Variants in ITGB4 observed in about 807,000 individuals in gnomAD.
ITGB4 encodes the protein integrin beta-4.
In ITGB4, 159 loss-of-function variants were observed where a neutral mutation model predicts 207.6. That is an observed-to-expected ratio of 0.77 (90% CI 0.67 to 0.87). The LOEUF is 0.87. ITGB4 is among the 40% of genes least tolerant of loss of function. The pLI is 0.00. For synonymous variants in ITGB4, 1,020 were observed against 1,062.7 expected (o/e 0.96, Z 0.78); for missense variants, 2,278 against 2,546.8 (o/e 0.89, Z 2.27).
At chr17:75,746,509 G>C (rs2061236087) in intron 26 of ITGB4, 1 of 150,616 alleles carries the variant, frequency 6.6e-6, no homozygotes, top group African/African-American at 2.4e-5. Flanking sequence ...GGGATTACAG[G>C]CATCAGCCAC....
rs377703595 is a variant in ITGB4, at chr17:75,736,672, G to T, written c.1968G>T (p.Lys656Asn). The change falls in exon 16 of 40, where the codon AAG becomes AAT. Residue 656 changes from lysine (K) to asparagine (N), a missense_variant. Physicochemically the swap from Lys to Asn is moderately conservative, Grantham distance 94. Coordinates refer to ENST00000200181, the MANE Select transcript of ITGB4 (RefSeq NM_000213.5). ...RTCEECNFKV[K>N]MVDELKRAEE... ...GTGAGGAATGCAACTTCAAGGTCAA[G>T]ATGGTGGACGAGCTTAAGAGAGGTA... 3.8e-6 allele frequency: 6 copies of T among 1,596,892 alleles called. No individual in the cohort carries two copies. The highest frequency in any genetic ancestry group is 3.6e-5 in the Admixed American group (2 of 55,888).
At chr17:75,723,718 G>A (rs533733119) in intron 1 of ITGB4, among the ~76,000 whole-genome samples, 10 of 152,358 alleles carry the variant, frequency 6.6e-5, no homozygotes, top group East Asian at 5.8e-4. Context: ...TGCCCCAGAA[G>A]CCGGGCTGAG....
intron 6 of ITGB4, 108 bp downstream of exon 6, chr17:75,728,581 G>A: frequency 1.1e-6 from 1 of 880,224 alleles, no homozygotes; most frequent in Non-Finnish European, 1.8e-6. Context: ...GGGCACGGTG[G>A]CTCATGCCTG....
chr17:75,722,585 C>T lies in ITGB4; in HGVS notation c.-11+973C>T, dbSNP rs1302345049. 6.6e-6 allele frequency among the ~76,000 whole-genome samples: 1 copy of T among 152,162 alleles called. No individual in the cohort carries two copies. Among genetic ancestry groups the T allele is most frequent in the Non-Finnish European group, 1.5e-5 (1 of 68,018 alleles). ...CAGAACAGCCAAGGGCCTGGGGTCC[C>T]CAGACTTCTGGCCAGCTGCCTCTCT... is the stretch of plus-strand genomic sequence containing the variant. On this transcript the variant is annotated intron_variant, in intron 1 of 39. Transcript: ENST00000200181. This position sits in a 1 kb window ranked among gnomAD's most constrained non-coding sequence, Gnocchi z 6.2.
intron 33 of ITGB4, 54 bp downstream of exon 33, chr17:75,754,028 C>T: frequency 1.2e-6 from 1 of 838,556 alleles, no homozygotes; most frequent in Non-Finnish European, 1.6e-6. Flanking sequence ...CTCACTCGCG[C>T]CTGAGGGCCT....
At position 75,755,756 on chromosome 17, in the gene ITGB4, C is replaced by T. The variant is rs2061483365; in HGVS notation, c.4614C>T (p.Ala1538=). Residue 1538 remains alanine (A), a synonymous_variant, in exon 35 of 40, where the codon GCC becomes GCT. Coordinates refer to ENST00000200181, the MANE Select transcript of ITGB4 (RefSeq NM_000213.5). ...CGCCCACCCGCCTGGTGTTCTCTGC[C>T]CTGGGGCCCACATCTCTCAGAGTGA... is the stretch of plus-strand genomic sequence containing the variant. ...PDTPTRLVFS[A]LGPTSLRVSW... is the part of the protein sequence containing the mutation. The T allele has an allele frequency of 2.5e-6, 4 of 1,612,786 alleles. No homozygotes were observed. The highest frequency in any genetic ancestry group is 3.4e-6 in the Non-Finnish European group (4 of 1,179,968).
At chr17:75,736,504 C>T (rs545834373) in intron 15 of ITGB4, 61 bp from the exon 16 acceptor site, 41 of 1,595,714 alleles carry the variant, frequency 2.6e-5, no homozygotes, top group Middle Eastern at 3.5e-4. Context: ...GTTTGGGGAG[C>T]GGGGGTCTGG....
chr17:75,755,407 CGGGGCT>C (rs1216877759), intron 34 of ITGB4, among the ~76,000 whole-genome samples: 1 of 152,086 alleles, frequency 6.6e-6, no homozygotes, highest in Non-Finnish European at 1.5e-5. Flanking sequence ...TCCCAGGGGG[CGGGGCT>C]GGGGCTGGGG....
chr17:75,734,221 C>T (rs1193833722), intron 13 of ITGB4, among the ~76,000 whole-genome samples: 1 of 145,186 alleles, frequency 6.9e-6, no homozygotes, highest in Admixed American at 7.1e-5. Context: ...ACTGCAACCT[C>T]TGCCTCCTGG....
chr17:75,730,765 C>A, intron 8 of ITGB4, 110 bp from the exon 9 acceptor site: 1 of 1,152,594 alleles, frequency 8.7e-7, no homozygotes, highest in Non-Finnish European at 1.3e-6. Context: ...CTCTGCGACA[C>A]CACAGTAGGT....
intron 26 of ITGB4, among the ~76,000 whole-genome samples, chr17:75,747,536 T>C (rs1333488304): frequency 2.0e-5 from 3 of 152,220 alleles, no homozygotes; most frequent in African/African-American, 7.2e-5. Context: ...CTTGTTCGGA[T>C]GTCCCAATAA....
Position 75,731,206 on chromosome 17 carries a change from G to A in ITGB4, c.1093-40G>A, listed in dbSNP as rs1198603622. ...TTGGAGGTTGGGGTGGAGCACAGAGGCCCCCCACAGAGCACTGATCAACCT... is the reference window on the plus strand; with the variant it reads ...TTGGAGGTTGGGGTGGAGCACAGAGACCCCCCACAGAGCACTGATCAACCT... On this transcript the variant is annotated intron_variant, in intron 9 of 39. Transcript: ENST00000200181. The surrounding 1 kb of genome is among the most constrained non-coding windows in gnomAD (Gnocchi z 6.8). The A allele has an allele frequency of 1.2e-6, 2 of 1,612,936 alleles. No individual in the cohort carries two copies. The highest frequency in any genetic ancestry group is 4.5e-5 in the East Asian group (2 of 44,870).
At chr17:75,741,277 C>T (rs902818809) in intron 23 of ITGB4, among the ~76,000 whole-genome samples, 2 of 152,196 alleles carry the variant, frequency 1.3e-5, no homozygotes, top group African/African-American at 4.8e-5. Context: ...TCCAGCCCCC[C>T]ACCCGGTACC....
At chr17:75,754,344 C>T (rs1257111375) in intron 33 of ITGB4, 9 of 609,556 alleles carry the variant, frequency 1.5e-5, no homozygotes, top group Non-Finnish European at 2.6e-5. Flanking sequence ...GTCAGCAGTG[C>T]TCACACCGAT....
chr17:75,748,455 AAGTCAG>A (rs1477542416), intron 26 of ITGB4, among the ~76,000 whole-genome samples: 1 of 152,070 alleles, frequency 6.6e-6, no homozygotes, highest in Non-Finnish European at 1.5e-5. Context: ...GGATCACTTG[AAGTCAG>A]GAGTTCGAGA....
At chr17:75,753,147 A>G (rs2061406351) in intron 32 of ITGB4, among the ~76,000 whole-genome samples, 2 of 152,358 alleles carry the variant, frequency 1.3e-5, no homozygotes, top group East Asian at 1.9e-4. Flanking sequence ...ACACAGTACC[A>G]TGAGTGGAAA....
chr17:75,751,908 A>T, intron 30 of ITGB4: 1 of 540,704 alleles, frequency 1.8e-6, no homozygotes. Context: ...ATATGGGTAG[A>T]GGTGACATCG....
intron 8 of ITGB4, 135 bp from the exon 9 acceptor site, chr17:75,730,740 G>C (rs182918269): frequency 9.8e-7 from 1 of 1,021,234 alleles, no homozygotes; most frequent in Non-Finnish European, 1.5e-6. Context: ...AGCAGGTGGG[G>C]GCTAAGAGGG....
chr17:75,756,528 A>G lies in ITGB4; in HGVS notation c.4808A>G (p.Gln1603Arg). The change falls in exon 36 of 40, where the codon CAG (glutamine) becomes CGG (arginine). Residue 1603 changes from glutamine (Q) to arginine (R), a missense_variant. Physicochemically the swap from Gln to Arg is conservative, Grantham distance 43 (BLOSUM62 1). Coordinates refer to ENST00000200181, the MANE Select transcript of ITGB4 (RefSeq NM_000213.5). ...TCCTACGTGTTCCGCGTGCGGGCCC[A>G]GAGCCAGGAAGGCTGGGGCCGAGAG... ...NHSYVFRVRA[Q>R]SQEGWGRERE... 2 of 1,613,310 alleles carry G rather than the reference A, an allele frequency of 1.2e-6. No homozygotes were observed. Among genetic ancestry groups the G allele is most frequent in the African/African-American group, 1.3e-5 (1 of 75,036 alleles).
Sources: allele counts gnomAD v4.1 joint callset (sites outside exome capture counted in the v4.1 genomes callset), GRCh38; gene constraint gnomAD v4.1.1; non-coding constraint Gnocchi (gnomAD v3.1); transcripts MANE v1.5; gene names NCBI Gene and HGNC (gene_info 2026-07-23, HGNC 2026-07-21).